Variants in SLIT3 observed in about 807,000 individuals in gnomAD.
The protein encoded by SLIT3 is slit guidance ligand 3, also known as slit homolog 3 protein.
In SLIT3, 68 loss-of-function variants were observed where a neutral mutation model predicts 184.0. The ratio of observed to expected loss-of-function variants is 0.37; its 90% confidence interval spans 0.30 to 0.45. SLIT3 has a LOEUF of 0.45. Ranked by LOEUF, SLIT3 falls within the 20% of genes least tolerant of loss-of-function variation. SLIT3 has a pLI of 1.00. For missense variants in SLIT3, 1,707 were observed against 2,026.0 expected (o/e 0.84, Z 3.02); for synonymous variants, 831 against 828.6 (o/e 1.00, Z -0.05).
intron 1 of SLIT3, among the ~76,000 whole-genome samples, chr5:169,279,301 G>C (rs200101850): frequency 6.6e-6 from 1 of 152,200 alleles, no homozygotes; most frequent in Non-Finnish European, 1.5e-5. Flanking sequence ...GGTGTGTGTA[G>C]AATAACAACA....
intron 27 of SLIT3, among the ~76,000 whole-genome samples, chr5:168,698,968 C>T (rs566120433): frequency 9.8e-5 from 15 of 152,328 alleles, no homozygotes; most frequent in Admixed American, 9.8e-4. Flanking sequence ...ACACAGTTGC[C>T]TGCAGCGGGG....
At chr5:169,156,530 A>G (rs1762311346) in intron 4 of SLIT3, among the ~76,000 whole-genome samples, 1 of 152,188 alleles carries the variant, frequency 6.6e-6, no homozygotes, top group South Asian at 2.1e-4. Context: ...ATCTGTGCCC[A>G]TTTCCTGCCC....
At chr5:168,782,499 TAGAGG>T (rs1756010287) in intron 12 of SLIT3, among the ~76,000 whole-genome samples, 1 of 152,156 alleles carries the variant, frequency 6.6e-6, no homozygotes, top group South Asian at 2.1e-4. Flanking sequence ...TGGCTGCCCA[TAGAGG>T]ATCACCATCT....
intron 4 of SLIT3, among the ~76,000 whole-genome samples, chr5:169,054,777 C>T (rs1266561367): frequency 6.6e-6 from 1 of 152,186 alleles, no homozygotes. Flanking sequence ...GCTTAGAATA[C>T]TTCAAGCCCC....
intron 4 of SLIT3, among the ~76,000 whole-genome samples, chr5:168,909,134 C>T (rs560674502): frequency 1.3e-5 from 2 of 152,228 alleles, no homozygotes; most frequent in Non-Finnish European, 2.9e-5. Context: ...TGCCTGCATG[C>T]GTATGTGAAT....
At chr5:169,213,038 A>T (rs1416583074) in intron 3 of SLIT3, among the ~76,000 whole-genome samples, 1 of 151,798 alleles carries the variant, frequency 6.6e-6, no homozygotes, top group East Asian at 1.9e-4. Flanking sequence ...CTGTTTGCAG[A>T]TGACATGATT....
At chr5:168,785,677 C>T (rs533536998) in intron 12 of SLIT3, among the ~76,000 whole-genome samples, 33 of 152,350 alleles carry the variant, frequency 2.2e-4, no homozygotes, top group Middle Eastern at 3.4e-3. Flanking sequence ...CCAGGGCCCT[C>T]GGCTGTATCA....
At chr5:169,229,675 T>C (rs1234364545) in intron 3 of SLIT3, among the ~76,000 whole-genome samples, 2 of 146,222 alleles carry the variant, frequency 1.4e-5, no homozygotes, top group Non-Finnish European at 3.1e-5. Flanking sequence ...TCTCTCCTTA[T>C]TCATCACTCT....
intron 1 of SLIT3, among the ~76,000 whole-genome samples, chr5:169,257,256 G>T (rs533196165): frequency 6.6e-6 from 1 of 152,124 alleles, no homozygotes; most frequent in Non-Finnish European, 1.5e-5. Context: ...ATCTTGGGTG[G>T]GATTCAGTAG....
intron 20 of SLIT3, among the ~76,000 whole-genome samples, chr5:168,730,658 T>TA (rs982137358): frequency 6.7e-5 from 10 of 150,138 alleles, no homozygotes; most frequent in Admixed American, 2.0e-4. Context: ...AAATTAAAAT[T>TA]AAAAAAAAAT....
chr5:169,034,349 C>A (rs1757152051), intron 4 of SLIT3, among the ~76,000 whole-genome samples: 1 of 152,094 alleles, frequency 6.6e-6, no homozygotes, highest in Non-Finnish European at 1.5e-5. Context: ...GAGCTTTTTC[C>A]CCGTGTTCTC....
At chr5:168,819,135 C>T (rs1375921368) in intron 7 of SLIT3, among the ~76,000 whole-genome samples, 1 of 152,216 alleles carries the variant, frequency 6.6e-6, no homozygotes, top group Non-Finnish European at 1.5e-5. Context: ...AGTTCTTGAG[C>T]TGAAGCAAGC....
chr5:169,048,351 G>A (rs916418786), intron 4 of SLIT3, among the ~76,000 whole-genome samples: 19 of 152,140 alleles, frequency 1.2e-4, no homozygotes, highest in African/African-American at 4.1e-4. Flanking sequence ...CAGGCATAAC[G>A]GAAGCATTCC....
intron 9 of SLIT3, among the ~76,000 whole-genome samples, chr5:168,798,417 A>AG (rs1415617134): frequency 1.3e-5 from 2 of 151,568 alleles, no homozygotes; most frequent in Non-Finnish European, 2.9e-5. Flanking sequence ...TTGTAGAGAG[A>AG]GGGGTCTCAC....
At chr5:168,775,786 T>C (rs1296108895) in intron 12 of SLIT3, among the ~76,000 whole-genome samples, 6 of 152,166 alleles carry the variant, frequency 3.9e-5, no homozygotes, top group African/African-American at 1.4e-4. Context: ...GAAGCTGTTT[T>C]TAGCTCTTCA....
chr5:168,754,581 T>G (rs528100677), intron 16 of SLIT3, among the ~76,000 whole-genome samples: 2 of 152,256 alleles, frequency 1.3e-5, no homozygotes, highest in African/African-American at 4.8e-5. Flanking sequence ...AGGGTGACTA[T>G]AGTTAACAAC....
Position 169,213,156 on chromosome 5 carries a change from T to C in SLIT3, c.342-19606A>G, listed in dbSNP as rs572214251. Among the ~76,000 whole-genome samples, 11 of 152,250 alleles carry C rather than the reference T, an allele frequency of 7.2e-5. No individual in the cohort carries two copies. The South Asian group carries it at 2.3e-3, about 32-fold the overall frequency. ...AATGTGCAAAAATCACAAGCATTCC[T>C]ATACACCAATAACAGACAAAGAGAG... is the stretch of plus-strand genomic sequence containing the variant. On this transcript the variant is annotated intron_variant, in intron 3 of 35. Coordinates refer to ENST00000519560, the MANE Select transcript of SLIT3 (RefSeq NM_003062.4).
At chr5:168,711,722 G>C (rs948807447) in intron 24 of SLIT3, among the ~76,000 whole-genome samples, 1 of 152,214 alleles carries the variant, frequency 6.6e-6, no homozygotes, top group East Asian at 1.9e-4. Flanking sequence ...CTGTGGAAGA[G>C]AGGTCTGGCC....
chr5:168,774,089 C>T lies in SLIT3; in HGVS notation c.1295+146G>A, dbSNP rs1046304587. 75 of 780,724 alleles carry T rather than the reference C, an allele frequency of 9.6e-5. 3 individuals are homozygous for T. The South Asian group carries it at 1.1e-3, about 12-fold the overall frequency. 48.4% of individuals were successfully genotyped at this position (780,724 alleles called of 1,614,324 possible). A position where few individuals can be genotyped will look rare whatever the true frequency, so the allele number is the denominator to read the frequency against. On this transcript the variant is annotated intron_variant, in intron 13 of 35. Coordinates refer to ENST00000519560, the MANE Select transcript of SLIT3 (RefSeq NM_003062.4). ...AGTGCTTGGTACTGATAAGCTATTC[C>T]GATTTTTATTATTCTAGCTTCCCTG...
Sources: gnomAD v4.1 joint callset for allele counts (sites outside exome capture counted in the v4.1 genomes callset) on GRCh38, gnomAD v4.1.1 for gene constraint, MANE v1.5 for transcripts, NCBI Gene and HGNC (gene_info 2026-07-23, HGNC 2026-07-21) for gene names.